MRPL11: variants seen among roughly 807,000 people sequenced by gnomAD.
MRPL11 encodes the protein large ribosomal subunit protein uL11m.
MRPL11 carries 21 observed loss-of-function variants against 19.1 expected under a neutral mutation model. The ratio of observed to expected loss-of-function variants is 1.10; its 90% CI spans 0.78 to 1.58. The LOEUF (loss-of-function observed/expected upper bound fraction) is 1.58, where lower values mean the gene tolerates loss of function less well. Among genes scored for constraint, MRPL11 ranks in the 40% most tolerant of loss-of-function variants. The pLI is 0.00. For missense variants in MRPL11, 242 were observed against 243.9 expected (o/e 0.99, Z 0.05); for synonymous variants, 108 against 99.7 (o/e 1.08, Z -0.49).
intron 2 of MRPL11, 77 bp downstream of exon 2, chr11:66,438,087 C>G (rs745533420): frequency 9.6e-7 from 1 of 1,043,506 alleles, no homozygotes; most frequent in Admixed American, 1.8e-5. Context: ...AGCAGAGAAA[C>G]AACCCCAGAT....
At chr11:66,436,643 G>A (rs569143572) in intron 4 of MRPL11, among the ~76,000 whole-genome samples, 1 of 152,104 alleles carries the variant, frequency 6.6e-6, no homozygotes, top group African/African-American at 2.4e-5. Context: ...CTGTCCCGGC[G>A]GTTGTCTAGG....
intron 3 of MRPL11, 30 bp downstream of exon 3, chr11:66,437,320 A>G (rs1274157828): frequency 1.2e-6 from 2 of 1,614,162 alleles, no homozygotes; most frequent in Non-Finnish European, 1.7e-6. Flanking sequence ...TGGAGCCCCC[A>G]GAATCTCAGA....
At position 66,437,115 on chromosome 11, in the gene MRPL11, G is replaced by A. The variant is rs140660057; in HGVS notation, c.462C>T (p.Arg154=). Reference sequence around the variant, plus strand: ...GCCAGGATACTTACTCCTTCACCACGCGAATGCCCAGAGAACGGGCAGACC... The same window carrying A: ...GCCAGGATACTTACTCCTTCACCACACGAATGCCCAGAGAACGGGCAGACC... ...IIGSARSLGI[R]VVKDLSSEEL... Residue 154 remains arginine (R), a synonymous_variant, in exon 4 of 5, where the codon CGC becomes CGT. Transcript: ENST00000310999. 204 of 1,614,082 alleles carry A rather than the reference G, an allele frequency of 1.3e-4. No individual in the cohort carries two copies. In the African/African-American group the frequency reaches 1.9e-3, roughly 15 times the overall value.
At chr11:66,436,936 A>T in intron 4 of MRPL11, 168 bp downstream of exon 4, 3 of 1,601,838 alleles carry the variant, frequency 1.9e-6, no homozygotes, top group Non-Finnish European at 2.6e-6. Flanking sequence ...GCCCAATAAG[A>T]GTATTCCAGA....
rs955280933 is a variant in MRPL11, at chr11:66,437,378, A to C, written c.285T>G (p.Ala95=). 1 of 1,614,030 alleles carries C rather than the reference A, an allele frequency of 6.2e-7. No individual in the cohort carries two copies. The highest frequency in any genetic ancestry group is 1.3e-5 in the African/African-American group (1 of 74,892). Residue 95 remains alanine, a synonymous_variant, in exon 3 of 5, where the codon GCT becomes GCG. Transcript: ENST00000310999. ...TTTGCCGGGCCCCCTTTTCAATCCC[A>C]GCTGCTGCCTTCAGGAAGTAGGAAA... ...PTVSYFLKAA[A]GIEKGARQTG... is the part of the protein sequence containing the mutation.
chr11:66,438,109 G>T, intron 2 of MRPL11, 55 bp downstream of exon 2: 1 of 1,330,554 alleles, frequency 7.5e-7, no homozygotes, highest in Non-Finnish European at 1.1e-6. Context: ...ACCAGTCCCA[G>T]GGCCGAGGAA....
At chr11:66,438,551 C>T in intron 1 of MRPL11, 81 bp downstream of exon 1, 1 of 1,479,312 alleles carries the variant, frequency 6.8e-7, no homozygotes, top group South Asian at 1.4e-5. Flanking sequence ...CCGGGTGGTT[C>T]CAGGGCCAGC....
At position 66,436,016 on chromosome 11, in the gene MRPL11, G is replaced by A. The variant is rs748627822; in HGVS notation, c.570C>T (p.Ala190=). Residue 190 remains alanine, a synonymous_variant, in exon 5 of 5, where the codon GCC becomes GCT. Transcript: ENST00000310999. The stretch of plus-strand genomic sequence containing the variant: ...GTTGGTGGGGCAAGGGTCACTTCTT[G>A]GCAGCTTCTTCTTGGGCAGCCAAAT... ...EADLAAQEEA[A]KK The A allele has an allele frequency of 6.2e-7, 1 of 1,613,196 alleles. No homozygotes were observed. The highest frequency in any genetic ancestry group is 1.3e-5 in the African/African-American group (1 of 74,922).
At position 66,437,428 on chromosome 11, in the gene MRPL11, C is replaced by T; in HGVS notation, c.235G>A (p.Glu79Lys). ...ACAGTGGGCTGTCCAATCTTAATTT[C>T]AAATGTCCTGTCAGGCTTAACAGAA... is the stretch of plus-strand genomic sequence containing the variant. ...KILVKPDRTF[E>K]IKIGQPTVSY... is the part of the protein sequence containing the mutation. The change falls in exon 3 of 5, where the codon GAA (glutamate) becomes AAA (lysine). Residue 79 changes from glutamate (E) to lysine (K), a missense_variant. Coordinates refer to ENST00000310999, the MANE Select transcript of MRPL11 (RefSeq NM_016050.5). 1 of 1,614,164 alleles carries T rather than the reference C, an allele frequency of 6.2e-7. No homozygotes were observed. The highest frequency in any genetic ancestry group is 8.5e-7 in the Non-Finnish European group (1 of 1,180,026).
At chr11:66,436,158 G>A (rs1235603609) in intron 4 of MRPL11, 46 bp from the exon 5 acceptor site, 2 of 1,538,880 alleles carry the variant, frequency 1.3e-6, no homozygotes, top group Admixed American at 1.7e-5. Context: ...TTGGTCACCA[G>A]TGGGAGCTCA....
intron 2 of MRPL11, 63 bp downstream of exon 2, chr11:66,438,101 C>A: frequency 8.3e-7 from 1 of 1,201,808 alleles, no homozygotes; most frequent in South Asian, 1.2e-5. Flanking sequence ...CCCAGATGAC[C>A]AGTCCCAGGG....
At position 66,436,730 on chromosome 11, in the gene MRPL11, C is replaced by T. The variant is rs1230665936; in HGVS notation, c.473+374G>A. The T allele has an allele frequency of 3.2e-6, 3 of 936,908 alleles. No homozygotes were observed. In the Admixed American group the frequency reaches 6.1e-5, roughly 19 times the overall value. 58.0% of individuals were successfully genotyped at this position (936,908 alleles called of 1,614,324 possible). On this transcript the variant is annotated intron_variant, in intron 4 of 4. Transcript: ENST00000310999. Reference sequence around the variant, plus strand: ...CATCCGAAGCCCCATGACAGGGGTCCCTGTTTGCCTCAGGAGCAAGCATGA... The same window carrying T: ...CATCCGAAGCCCCATGACAGGGGTCTCTGTTTGCCTCAGGAGCAAGCATGA...
Position 66,438,807 on chromosome 11 carries a change from T to C in MRPL11, c.-53A>G, listed in dbSNP as rs1026585988. On this transcript the variant is annotated 5_prime_UTR_variant, in exon 1 of 5. Transcript: ENST00000310999. ...CTCAGGGGAGCAGCAAGAGCGAAGCTCTGGGCGCCACCATCTTGGGCCAGA... is the reference window on the plus strand; with the variant it reads ...CTCAGGGGAGCAGCAAGAGCGAAGCCCTGGGCGCCACCATCTTGGGCCAGA... The C allele has an allele frequency of 4.2e-6, 6 of 1,419,150 alleles. No individual in the cohort carries two copies. Among genetic ancestry groups the C allele is most frequent in the Non-Finnish European group, 5.6e-6 (6 of 1,078,804 alleles). The allele number at this position is 1,419,150 out of a possible 1,614,324, so 87.9% of individuals were successfully genotyped here. A position where few individuals can be genotyped will look rare whatever the true frequency, so the allele number is the denominator to read the frequency against.
Position 66,438,779 on chromosome 11 carries a change from C to T in MRPL11, c.-25G>A, listed in dbSNP as rs370878903. 7 of 1,520,622 alleles carry T rather than the reference C, an allele frequency of 4.6e-6. No homozygotes were observed. The highest frequency in any genetic ancestry group is 1.2e-5 in the South Asian group (1 of 80,748). The allele number at this position is 1,520,622 out of a possible 1,614,324, so 94.2% of individuals were successfully genotyped here. A position where few individuals can be genotyped will look rare whatever the true frequency, so the allele number is the denominator to read the frequency against. On this transcript the variant is annotated 5_prime_UTR_variant, in exon 1 of 5. Coordinates refer to ENST00000310999, the MANE Select transcript of MRPL11 (RefSeq NM_016050.5). ...TGATGCGGGGCTGCTGGCTTCAGTT[C>T]ACCTCAGGGGAGCAGCAAGAGCGAA...
chr11:66,436,347 T>C (rs761088579), intron 4 of MRPL11, among the ~76,000 whole-genome samples: 13 of 151,984 alleles, frequency 8.6e-5, no homozygotes, highest in Non-Finnish European at 1.6e-4. Context: ...TCCCTACTCA[T>C]CCTTTGAGGC....
chr11:66,438,598 C>A, intron 1 of MRPL11, 34 bp downstream of exon 1: 1 of 1,490,424 alleles, frequency 6.7e-7, no homozygotes, highest in South Asian at 1.4e-5. Flanking sequence ...CCATCCTAGA[C>A]AACCCCCACG....
At position 66,438,801 on chromosome 11, in the gene MRPL11, C is replaced by T. The variant is rs768915298; in HGVS notation, c.-47G>A. 3 of 1,435,396 alleles carry T rather than the reference C, an allele frequency of 2.1e-6. No homozygotes were observed. Among genetic ancestry groups the T allele is most frequent in the East Asian group, 2.7e-5 (1 of 37,144 alleles). 88.9% of individuals were successfully genotyped at this position (1,435,396 alleles called of 1,614,324 possible). ...GTTCACCTCAGGGGAGCAGCAAGAG[C>T]GAAGCTCTGGGCGCCACCATCTTGG... On this transcript the variant is annotated 5_prime_UTR_variant, in exon 1 of 5. Coordinates refer to ENST00000310999, the MANE Select transcript of MRPL11 (RefSeq NM_016050.5).
At position 66,436,861 on chromosome 11, in the gene MRPL11, A is replaced by G. The variant is rs544698484; in HGVS notation, c.473+243T>C. On this transcript the variant is annotated intron_variant, in intron 4 of 4. Transcript: ENST00000310999. ...GTCACACTGAACTTCTCCCACTTGG[A>G]TCCTTCATGGAGATCTTTCCATTTC... 13 of 1,614,130 alleles carry G rather than the reference A, an allele frequency of 8.1e-6. No individual in the cohort carries two copies. In the East Asian group the frequency reaches 2.9e-4, roughly 36 times the overall value.
At chr11:66,438,325 C>T in intron 1 of MRPL11, 66 bp from the exon 2 acceptor site, 1 of 1,257,090 alleles carries the variant, frequency 8.0e-7, no homozygotes, top group Non-Finnish European at 1.2e-6. Context: ...CCAGGAGGCG[C>T]CGTCCGTTCC....
Sources: gnomAD v4.1 joint callset for allele counts (sites outside exome capture counted in the v4.1 genomes callset) on GRCh38, gnomAD v4.1.1 for gene constraint, MANE v1.5 for transcripts, NCBI Gene and HGNC (gene_info 2026-07-23, HGNC 2026-07-21) for gene names.